Variants in TMEM117 observed in about 807,000 individuals in gnomAD.
The protein encoded by TMEM117 is transmembrane protein 117.
In TMEM117, 27 loss-of-function variants were observed where a neutral mutation model predicts 52.4. That is an observed-to-expected ratio of 0.51 (90% CI 0.38 to 0.71). TMEM117 has a LOEUF of 0.71. TMEM117 is among the 30% of genes least tolerant of loss of function. TMEM117 has a pLI of 0.00. For synonymous variants in TMEM117, 215 were observed against 206.3 expected (o/e 1.04, Z -0.36); for missense variants, 556 against 630.5 (o/e 0.88, Z 1.26).
intron 3 of TMEM117, among the ~76,000 whole-genome samples, chr12:44,007,230 G>T (rs913002955): frequency 3.9e-5 from 6 of 152,170 alleles, no homozygotes; most frequent in African/African-American, 1.4e-4. Flanking sequence ...TGAACAGATT[G>T]TCAGATTAAG....
chr12:43,867,373 A>G (rs1943620858), intron 2 of TMEM117, among the ~76,000 whole-genome samples: 1 of 152,222 alleles, frequency 6.6e-6, no homozygotes, highest in Admixed American at 6.5e-5. Context: ...GTAAATTATT[A>G]TACTAATAAA....
At position 44,132,997 on chromosome 12, in the gene TMEM117, G is replaced by A. The variant is rs899548609; in HGVS notation, c.411-10528G>A. Among the ~76,000 whole-genome samples the A allele has an allele frequency of 1.1e-4, 17 of 152,346 alleles. No individual in the cohort carries two copies. The South Asian group carries it at 1.7e-3, about 15-fold the overall frequency. On this transcript the variant is annotated intron_variant, in intron 3 of 7. Coordinates refer to ENST00000266534, the MANE Select transcript of TMEM117 (RefSeq NM_032256.3). Reference sequence around the variant, plus strand: ...ATGGTAAGAGCAAGTACAAGAACAAGTAAAAGTGAAAAGTGAGTTTTCCAT... The same window carrying A: ...ATGGTAAGAGCAAGTACAAGAACAAATAAAAGTGAAAAGTGAGTTTTCCAT...
chr12:44,148,836 A>C (rs1259655401), intron 4 of TMEM117, among the ~76,000 whole-genome samples: 1 of 152,166 alleles, frequency 6.6e-6, no homozygotes, highest in African/African-American at 2.4e-5. Flanking sequence ...GCACATAAGC[A>C]CTGTTTCATT....
intron 5 of TMEM117, among the ~76,000 whole-genome samples, chr12:44,216,926 C>G (rs978679186): frequency 6.6e-6 from 1 of 152,070 alleles, no homozygotes; most frequent in African/African-American, 2.4e-5. Context: ...TGGGGTATCT[C>G]TTAATCATAA....
intron 2 of TMEM117, among the ~76,000 whole-genome samples, chr12:43,907,067 C>T (rs1012983413): frequency 1.3e-5 from 2 of 152,188 alleles, no homozygotes; most frequent in African/African-American, 2.4e-5. Context: ...AAAAAGACAG[C>T]AGTAACCTCT....
At chr12:44,150,392 C>T (rs950541904) in intron 4 of TMEM117, among the ~76,000 whole-genome samples, 4 of 152,064 alleles carry the variant, frequency 2.6e-5, no homozygotes, top group Admixed American at 1.3e-4. Flanking sequence ...GCCTGATCTC[C>T]TGGGACTGTG....
intron 5 of TMEM117, among the ~76,000 whole-genome samples, chr12:44,227,409 A>G (rs1046999933): frequency 6.6e-6 from 1 of 152,194 alleles, no homozygotes; most frequent in Non-Finnish European, 1.5e-5. Flanking sequence ...GGCTGAAATC[A>G]TGCCACTGCA....
chr12:43,841,546 G>A (rs2041657787), intron 1 of TMEM117, among the ~76,000 whole-genome samples: 1 of 152,102 alleles, frequency 6.6e-6, no homozygotes, highest in African/African-American at 2.4e-5. Context: ...GAAATTTTTT[G>A]AATGTTCTAA....
chr12:44,219,316 G>A (rs1317166696), intron 5 of TMEM117, among the ~76,000 whole-genome samples: 2 of 152,044 alleles, frequency 1.3e-5, no homozygotes, highest in East Asian at 3.9e-4. Flanking sequence ...GTTGTTGTTT[G>A]TATGAAAGAG....
chr12:44,252,929 T>C (rs1048405230), intron 5 of TMEM117, among the ~76,000 whole-genome samples: 2 of 152,150 alleles, frequency 1.3e-5, no homozygotes, highest in Non-Finnish European at 2.9e-5. Flanking sequence ...ATGGTTGTGG[T>C]TATTAATTAT....
chr12:43,949,912 A>T (rs1443427984), intron 3 of TMEM117, among the ~76,000 whole-genome samples: 1 of 152,222 alleles, frequency 6.6e-6, no homozygotes, highest in African/African-American at 2.4e-5. Flanking sequence ...ACCTCAAAAC[A>T]TCCCCAGCTA....
At chr12:44,290,490 A>G (rs1233729509) in intron 5 of TMEM117, among the ~76,000 whole-genome samples, 1 of 152,188 alleles carries the variant, frequency 6.6e-6, no homozygotes, top group Non-Finnish European at 1.5e-5. Context: ...TTTGTCAAAG[A>G]TTAGTTGACT....
chr12:44,193,014 G>A (rs1949375249), intron 4 of TMEM117, among the ~76,000 whole-genome samples: 1 of 152,186 alleles, frequency 6.6e-6, no homozygotes, highest in South Asian at 2.1e-4. Context: ...CACTTCTCAA[G>A]TATAACCAGA....
chr12:44,301,432 G>A (rs1950838314), intron 6 of TMEM117, among the ~76,000 whole-genome samples: 1 of 152,106 alleles, frequency 6.6e-6, no homozygotes, highest in Non-Finnish European at 1.5e-5. Context: ...ATAACATGCT[G>A]AAGTGTTCAG....
chr12:43,855,197 CT>C (rs1353615295), intron 2 of TMEM117, among the ~76,000 whole-genome samples: 4 of 151,950 alleles, frequency 2.6e-5, no homozygotes, highest in African/African-American at 9.7e-5. Flanking sequence ...AAATCAGAGT[CT>C]TTTGGATCTC....
At chr12:44,340,283 G>A (rs1398710759) in intron 6 of TMEM117, among the ~76,000 whole-genome samples, 1 of 152,068 alleles carries the variant, frequency 6.6e-6, no homozygotes, top group Non-Finnish European at 1.5e-5. Context: ...ACTATAAAGA[G>A]AAAGTTGATT....
chr12:44,045,153 A>C (rs752151480), intron 3 of TMEM117, among the ~76,000 whole-genome samples: 3 of 152,264 alleles, frequency 2.0e-5, no homozygotes, highest in Admixed American at 1.3e-4. Flanking sequence ...TCATTGCCCA[A>C]TGGGTCCATG....
chr12:43,806,404 C>CCCGCCGCCCCGCCGCCCTTCCTGG, the TMEM117 span: 2 of 1,156,458 alleles, frequency 1.7e-6, no homozygotes, highest in Middle Eastern at 3.6e-4. Flanking sequence ...CCCGAGCGTC[C>CCCGCCGCCCCGCCGCCCTTCCTGG]CCGCCGCCCC....
intron 4 of TMEM117, among the ~76,000 whole-genome samples, chr12:44,157,927 TC>T (rs752805210): frequency 5.3e-5 from 8 of 152,138 alleles, no homozygotes; most frequent in Non-Finnish European, 8.8e-5. Flanking sequence ...TAATTTTCCA[TC>T]CTGATGAGTT....
Sources: allele counts gnomAD v4.1 joint callset (sites outside exome capture counted in the v4.1 genomes callset), GRCh38; gene constraint gnomAD v4.1.1; transcripts MANE v1.5; gene names NCBI Gene and HGNC (gene_info 2026-07-23, HGNC 2026-07-21).